The following RET variants were observed in gnomAD, a reference collection of about 807,000 sequenced individuals.
RET encodes the protein proto-oncogene tyrosine-protein kinase receptor Ret.
Under a neutral mutation model 118.3 loss-of-function variants are expected in RET, and 19 were observed. The ratio of observed to expected loss-of-function variants is 0.16; its 90% confidence interval spans 0.11 to 0.24. RET has a LOEUF of 0.24. RET is among the 10% of genes least tolerant of loss of function. The probability of loss-of-function intolerance (pLI) is 1.00; values close to 1 mark genes in which losing one functional copy is unlikely to be tolerated. For synonymous variants in RET, 597 were observed against 644.1 expected, an observed-to-expected ratio of 0.93 and a Z score of 1.11; for missense variants, 1,219 against 1,502.1, an observed-to-expected ratio of 0.81 and a Z score of 3.12.
chr10:43,120,489 G>A (rs917055107), intron 15 of RET, among the ~76,000 whole-genome samples: 3 of 152,216 alleles, frequency 2.0e-5, no homozygotes, highest in South Asian at 4.1e-4. Context: ...CTCATGCTGC[G>A]GAACTAACAG....
chr10:43,124,191 C>T (rs1004080755), intron 17 of RET, among the ~76,000 whole-genome samples: 2 of 152,092 alleles, frequency 1.3e-5, no homozygotes, highest in Admixed American at 6.5e-5. Flanking sequence ...GGGCTGCAAC[C>T]TGAGAGGTTG....
chr10:43,093,813 A>G (rs779185527), intron 1 of RET, among the ~76,000 whole-genome samples: 3 of 152,104 alleles, frequency 2.0e-5, no homozygotes, highest in Admixed American at 6.6e-5. Context: ...AGCTGTCCAC[A>G]TGGAATTCTC....
chr10:43,099,060 G>A (rs1403874496), intron 1 of RET, among the ~76,000 whole-genome samples: 2 of 152,120 alleles, frequency 1.3e-5, no homozygotes, highest in Non-Finnish European at 2.9e-5. Flanking sequence ...TCCACTGTGG[G>A]AAATGTTGGC....
At position 43,129,991 on chromosome 10, in the gene RET, C is replaced by T. The variant is rs926413705; in HGVS notation, c.*1722C>T. 2.5e-6 allele frequency: 1 copy of T among 398,854 alleles called. No individual in the cohort carries two copies. The highest frequency in any genetic ancestry group is 4.4e-6 in the Non-Finnish European group (1 of 226,064). The allele number at this position is 398,854 out of a possible 1,614,324, so 24.7% of individuals were successfully genotyped here. On this transcript the variant is annotated 3_prime_UTR_variant, in exon 20 of 20. Coordinates refer to ENST00000355710, the MANE Select transcript of RET (RefSeq NM_020975.6). ...TTTCTCAAATTATTAAAAATGCCTA[C>T]ACAGTAAGTGTGAATTGCTGCAACA...
chr10:43,108,309 G>C (rs1220602335), intron 5 of RET, among the ~76,000 whole-genome samples: 1 of 152,190 alleles, frequency 6.6e-6, no homozygotes, highest in Non-Finnish European at 1.5e-5. Context: ...AGATGCAACA[G>C]AGCAAGACTC....
At chr10:43,089,472 G>A (rs984171536) in intron 1 of RET, among the ~76,000 whole-genome samples, 8 of 152,196 alleles carry the variant, frequency 5.3e-5, no homozygotes, top group Admixed American at 3.3e-4. Context: ...CAGGATAGCC[G>A]TTCCTTTTGC....
intron 1 of RET, 145 bp downstream of exon 1, chr10:43,077,476 G>T (rs955957879): frequency 3.1e-6 from 3 of 981,670 alleles, no homozygotes; most frequent in Non-Finnish European, 3.9e-6. Flanking sequence ...GGCTGGGAGC[G>T]CAGTGGCTGC....
In RET at chr10:43,115,166, C is replaced by T. The variant is rs141914870; in HGVS notation, c.2136+430C>T. Among the ~76,000 whole-genome samples the T allele has an allele frequency of 3.3e-5, 5 of 152,318 alleles. No individual in the cohort carries two copies. The East Asian group carries it at 7.7e-4, about 24-fold the overall frequency. ...GTGGCCTGCCCCTTCAGTGTTCCTACTAGCACTGTCCAGGGCGCTGGAAGC... is the reference window on the plus strand; with the variant it reads ...GTGGCCTGCCCCTTCAGTGTTCCTATTAGCACTGTCCAGGGCGCTGGAAGC... On this transcript the variant is annotated intron_variant, in intron 11 of 19. Transcript: ENST00000355710.
intron 1 of RET, among the ~76,000 whole-genome samples, chr10:43,087,986 TGTG>T (rs1471997227): frequency 3.3e-5 from 5 of 151,754 alleles, no homozygotes; most frequent in East Asian, 1.9e-4. Context: ...TGATGATGGT[TGTG>T]GTGGAGGTGA....
Position 43,077,104 on chromosome 10 carries a change from G to T in RET, c.-155G>T. The T allele has an allele frequency of 8.9e-7, 1 of 1,125,834 alleles. No individual in the cohort carries two copies. The highest frequency in any genetic ancestry group is 1.1e-6 in the Non-Finnish European group (1 of 874,434). 69.7% of individuals were successfully genotyped at this position (1,125,834 alleles called of 1,614,324 possible). A position where few individuals can be genotyped will look rare whatever the true frequency, so the allele number is the denominator to read the frequency against. The stretch of plus-strand genomic sequence containing the variant: ...CCGAAGCAGGGCGCGCAGCAGCGCT[G>T]AGTGCCCCGGAACGTGCGTCGCGCC... On this transcript the variant is annotated 5_prime_UTR_variant, in exon 1 of 20. Transcript: ENST00000355710.
At chr10:43,124,739 T>G in intron 17 of RET, 144 bp from the exon 18 acceptor site, 1 of 830,252 alleles carries the variant, frequency 1.2e-6, no homozygotes, top group Non-Finnish European at 2.0e-6. Context: ...CTCAGAGATG[T>G]CAGCGATGCA....
rs1174031292 is a variant in RET, at chr10:43,106,397, C to A, written c.889C>A (p.Arg297Ser). Reference sequence around the variant, plus strand: ...GCAGGACACCGTGGTGGCCACGCTGCGTGTCTTCGATGCAGACGTGGTACC... The same window carrying A: ...GCAGGACACCGTGGTGGCCACGCTGAGTGTCTTCGATGCAGACGTGGTACC... ...RKEDTVVATLRVFDADVVPAS... is the reference protein window; with the variant it reads ...RKEDTVVATLSVFDADVVPAS... The change falls in exon 5 of 20, where the codon CGT becomes AGT. Residue 297 changes from arginine to serine, a missense_variant. Arg to Ser is a moderately radical substitution (Grantham distance 110, BLOSUM62 -1). Around this residue, in one of 5 missense-constraint regions of RET, gnomAD observed 850 missense variants for 969.6 expected, o/e 0.88. Transcript: ENST00000355710. The surrounding 1 kb of genome is among the most constrained non-coding windows in gnomAD (Gnocchi z 5.1). The A allele has an allele frequency of 6.2e-7, 1 of 1,612,142 alleles. No individual in the cohort carries two copies. Among genetic ancestry groups the A allele is most frequent in the Non-Finnish European group, 8.5e-7 (1 of 1,179,926 alleles).
chr10:43,120,225 GCGGGGCTCC>G, intron 15 of RET, 22 bp downstream of exon 15: 1 of 1,611,650 alleles, frequency 6.2e-7, no homozygotes, highest in Admixed American at 1.7e-5. Flanking sequence ...CGGGGATGAG[GCGGGGCTCC>G]CAGGGATCCC....
At chr10:43,100,331 A>C in intron 1 of RET, 128 bp from the exon 2 acceptor site, 1 of 1,075,512 alleles carries the variant, frequency 9.3e-7, no homozygotes, top group South Asian at 1.3e-5. Context: ...TTGAGTGTTC[A>C]TGTTCTCAGG....
Position 43,102,345 on chromosome 10 carries a change from G to A in RET, c.341G>A (p.Arg114His), listed in dbSNP as rs76397662. ...CAGACCTGACTTCTCTCTGCAGACCGCGGCTTTCCCCTGCTCACCGTCTAC... is the reference window on the plus strand; with the variant it reads ...CAGACCTGACTTCTCTCTGCAGACCACGGCTTTCCCCTGCTCACCGTCTAC... Reference protein sequence around the residue: ...SSWEKLSVRNRGFPLLTVYLK... With the variant: ...SSWEKLSVRNHGFPLLTVYLK... Residue 114 changes from arginine to histidine, a missense_variant, in exon 3 of 20, where the codon CGC becomes CAC. By Grantham distance (29) the Arg-to-His change is conservative. Coordinates refer to ENST00000355710, the MANE Select transcript of RET (RefSeq NM_020975.6). 407 of 1,613,936 alleles carry A rather than the reference G, an allele frequency of 2.5e-4. 1 individual carries two copies. The East Asian group carries it at 7.2e-3, about 28-fold the overall frequency.
chr10:43,109,965 C>T (rs1050139022), intron 6 of RET, among the ~76,000 whole-genome samples: 6 of 152,216 alleles, frequency 3.9e-5, no homozygotes, highest in African/African-American at 1.2e-4. Context: ...CAGAGCAGCC[C>T]GTGGCGCCTC....
chr10:43,117,749 A>G (rs900582063), intron 12 of RET, among the ~76,000 whole-genome samples: 1 of 152,206 alleles, frequency 6.6e-6, no homozygotes, highest in African/African-American at 2.4e-5. Context: ...GAATCATGCT[A>G]TTCATTAAGA....
In RET at chr10:43,124,871, T is replaced by C. The variant is rs1417506172; in HGVS notation, c.2940-12T>C. 3.1e-6 allele frequency: 5 copies of C among 1,613,532 alleles called. No individual in the cohort carries two copies. Among genetic ancestry groups the C allele is most frequent in the Admixed American group, 3.3e-5 (2 of 60,028 alleles). ...GCTTGGATCATATTGGCCTGTCTGC[T>C]CTTCCCACCAGGTACCGCCTGATGC... is the stretch of plus-strand genomic sequence containing the variant. On this transcript the variant is annotated splice_polypyrimidine_tract_variant and intron_variant, in intron 17 of 19. Coordinates refer to ENST00000355710, the MANE Select transcript of RET (RefSeq NM_020975.6).
At chr10:43,103,574 C>G (rs3026738) in intron 3 of RET, among the ~76,000 whole-genome samples, 38 of 152,244 alleles carry the variant, frequency 2.5e-4, no homozygotes, top group Non-Finnish European at 4.7e-4. Context: ...GCACCGCTGG[C>G]AAGTGTGTCC....
Sources: allele counts gnomAD v4.1 joint callset (sites outside exome capture counted in the v4.1 genomes callset), GRCh38; gene constraint gnomAD v4.1.1; regional missense constraint gnomAD v4.1.1; non-coding constraint Gnocchi (gnomAD v3.1); transcripts MANE v1.5; gene names NCBI Gene and HGNC (gene_info 2026-07-23, HGNC 2026-07-21).